The following TNRC18 variants were observed in gnomAD, a reference collection of about 807,000 sequenced individuals.
TNRC18 encodes trinucleotide repeat containing 18.
In TNRC18, 69 loss-of-function variants were observed where a neutral mutation model predicts 226.7. The ratio of observed to expected loss-of-function variants is 0.30; its 90% CI spans 0.25 to 0.37. The LOEUF is 0.37. TNRC18 is among the 10% of genes least tolerant of loss of function. TNRC18 has a pLI of 1.00. For synonymous variants in TNRC18, 2,449 were observed against 1,927.6 expected, an observed-to-expected ratio of 1.27 and a Z score of -7.09; for missense variants, 4,754 against 4,256.6, an observed-to-expected ratio of 1.12 and a Z score of -3.25.
chr7:5,310,220 AAT>A (rs1390449704), intron 27 of TNRC18, among the ~76,000 whole-genome samples: 1 of 151,864 alleles, frequency 6.6e-6, no homozygotes, highest in Non-Finnish European at 1.5e-5. Context: ...TCTTTTAAAA[AAT>A]AGTTATTATT....
intron 5 of TNRC18, among the ~76,000 whole-genome samples, chr7:5,381,826 C>A (rs1779417058): frequency 1.3e-5 from 2 of 151,982 alleles, no homozygotes; most frequent in African/African-American, 4.8e-5. Flanking sequence ...ATTAGCTGGG[C>A]ACGGTGGCAG....
At chr7:5,310,228 T>C (rs1193451460) in intron 27 of TNRC18, among the ~76,000 whole-genome samples, 1 of 151,806 alleles carries the variant, frequency 6.6e-6, no homozygotes, top group Non-Finnish European at 1.5e-5. Flanking sequence ...AAAATAGTTA[T>C]TATTATTATT....
chr7:5,308,083 G>T lies in TNRC18; in HGVS notation c.*23C>A, dbSNP rs1183917350. 1.3e-6 allele frequency: 2 copies of T among 1,540,424 alleles called. No homozygotes were observed. Among genetic ancestry groups the T allele is most frequent in the African/African-American group, 1.4e-5 (1 of 72,760 alleles). On this transcript the variant is annotated 3_prime_UTR_variant, in exon 30 of 30. Coordinates refer to ENST00000430969, the MANE Select transcript of TNRC18 (RefSeq NM_001080495.3). ...GTCCCTGGCCGCCCTCGGGGCACAG[G>T]TGGCCCGCAGGGCCCGGCGGGCTCA... is the stretch of plus-strand genomic sequence containing the variant.
chr7:5,367,771 AG>A (rs898950376), intron 11 of TNRC18, among the ~76,000 whole-genome samples: 4 of 151,920 alleles, frequency 2.6e-5, no homozygotes, highest in African/African-American at 7.2e-5. Flanking sequence ...AAAAAAAAAA[AG>A]TTTCTATTGA....
Position 5,388,901 on chromosome 7 carries a change from G to A in TNRC18, c.923C>T (p.Ala308Val). 7.3e-7 allele frequency: 1 copy of A among 1,361,958 alleles called. No individual in the cohort carries two copies. Among genetic ancestry groups the A allele is most frequent in the Non-Finnish European group, 9.5e-7 (1 of 1,053,534 alleles). 84.4% of individuals were successfully genotyped at this position (1,361,958 alleles called of 1,614,324 possible). A position where few individuals can be genotyped will look rare whatever the true frequency, so the allele number is the denominator to read the frequency against. The change falls in exon 5 of 30, where the codon GCT (alanine) becomes GTT (valine). Residue 308 changes from alanine to valine, a missense_variant. By Grantham distance (64) the Ala-to-Val change is moderately conservative (BLOSUM62 0). Transcript: ENST00000430969. ...AEAGRGGAKE[A>V]ARQDEGARLL... ...CCGCGCGCCCTCGTCCTGCCGGGCA[G>A]CCTCCTTGGCACCCCCGCGCCCCGC... is the stretch of plus-strand genomic sequence containing the variant.
rs139300182 is a variant in TNRC18 at position 5,365,008 on chromosome 7, C to T, written c.4220-2183G>A. Among the ~76,000 whole-genome samples the T allele has an allele frequency of 4.8e-4, 70 of 146,796 alleles. 1 individual carries two copies. In the East Asian group the frequency reaches 0.01, roughly 22 times the overall value. On this transcript the variant is annotated intron_variant, in intron 11 of 29. Transcript: ENST00000430969. ...TTAAATGGCCAAACGTGCAAAGGAG[C>T]CTACGCAGAATCATGTGGGGGGGCG... is the stretch of plus-strand genomic sequence containing the variant.
chr7:5,342,465 A>G (rs951674262), intron 18 of TNRC18, among the ~76,000 whole-genome samples: 5 of 152,048 alleles, frequency 3.3e-5, no homozygotes, highest in Non-Finnish European at 7.4e-5. Flanking sequence ...GTTGATTCCA[A>G]CCCTCGCGGA....
chr7:5,320,819 TGA>T (rs1205566936), intron 22 of TNRC18, among the ~76,000 whole-genome samples: 3 of 152,248 alleles, frequency 2.0e-5, no homozygotes, highest in Admixed American at 6.5e-5. Context: ...GTCCAGATCC[TGA>T]GAGAGGCCAG....
intron 5 of TNRC18, among the ~76,000 whole-genome samples, chr7:5,381,975 T>C (rs1270915214): frequency 6.6e-6 from 1 of 151,772 alleles, no homozygotes; most frequent in Non-Finnish European, 1.5e-5. Flanking sequence ...CATAAATAAA[T>C]TAATTAATTA....
In TNRC18 at chr7:5,374,440, C is replaced by G. The variant is rs990855385; in HGVS notation, c.2844G>C (p.Glu948Asp). 5.8e-6 allele frequency: 9 copies of G among 1,546,234 alleles called. No individual in the cohort carries two copies. In the African/African-American group the frequency reaches 9.7e-5, roughly 17 times the overall value. ...CCTCCAGGCCCCGCTTGCTCCCCTT[C>G]TCTTCCATCTCCGCCCGGTGCTCCT... ...KAQEHRAEMEEKGSKRGLEAA... is the reference protein window; with the variant it reads ...KAQEHRAEMEDKGSKRGLEAA... The change falls in exon 10 of 30, where the codon GAG becomes GAC. Residue 948 changes from glutamate to aspartate, a missense_variant. Glu to Asp is a conservative substitution (Grantham distance 45). Transcript: ENST00000430969.
Position 5,361,587 on chromosome 7 carries a change from G to T in TNRC18, c.4661+7C>A. The T allele has an allele frequency of 6.6e-7, 1 of 1,511,860 alleles. No homozygotes were observed. Among genetic ancestry groups the T allele is most frequent in the Non-Finnish European group, 8.9e-7 (1 of 1,129,260 alleles). The allele number at this position is 1,511,860 out of a possible 1,614,324, so 93.7% of individuals were successfully genotyped here. On this transcript the variant is annotated splice_region_variant and intron_variant, in intron 14 of 29. Coordinates refer to ENST00000430969, the MANE Select transcript of TNRC18 (RefSeq NM_001080495.3). The stretch of plus-strand genomic sequence containing the variant: ...CAGTCCCCGACCCACCGAGGGGCCA[G>T]CCTTACTTTCCGCTACTGTGGCCGC...
intron 2 of TNRC18, chr7:5,419,977 G>A (rs556030921): frequency 4.2e-5 from 7 of 166,300 alleles, no homozygotes; most frequent in South Asian, 3.8e-4. Context: ...TCGAACAGGA[G>A]GTGGATTTTT....
At position 5,376,235 on chromosome 7, in the gene TNRC18, A is replaced by G; in HGVS notation, c.2609-11T>C. On this transcript the variant is annotated splice_polypyrimidine_tract_variant and intron_variant, in intron 8 of 29. Coordinates refer to ENST00000430969, the MANE Select transcript of TNRC18 (RefSeq NM_001080495.3). ...GCTCCATCAGCTCCGCTGCAGGGAC[A>G]GAGACAGTGCGCTGCACCTGCGGCC... is the stretch of plus-strand genomic sequence containing the variant. The G allele has an allele frequency of 6.7e-7, 1 of 1,482,160 alleles. No homozygotes were observed. The highest frequency in any genetic ancestry group is 1.4e-5 in the South Asian group (1 of 72,646). The allele number at this position is 1,482,160 out of a possible 1,614,324, so 91.8% of individuals were successfully genotyped here.
At chr7:5,360,444 G>A (rs1392479301) in intron 14 of TNRC18, among the ~76,000 whole-genome samples, 1 of 152,026 alleles carries the variant, frequency 6.6e-6, no homozygotes, top group African/African-American at 2.4e-5. Flanking sequence ...TGCCCAGGCT[G>A]GTCTCAAACT....
At chr7:5,416,238 C>A (rs1465141480) in intron 2 of TNRC18, among the ~76,000 whole-genome samples, 1 of 151,496 alleles carries the variant, frequency 6.6e-6, no homozygotes, top group Non-Finnish European at 1.5e-5. Context: ...CACGGTGAAA[C>A]CCCGTCTGTA....
intron 21 of TNRC18, among the ~76,000 whole-genome samples, chr7:5,323,567 A>AATTTTT (rs1562491806): frequency 3.9e-5 from 1 of 25,526 alleles, no homozygotes; most frequent in African/African-American, 1.2e-4. Context: ...AGCACCAGAC[A>AATTTTT]GTTTTTTTTT....
chr7:5,363,570 C>T (rs554670666), intron 11 of TNRC18, among the ~76,000 whole-genome samples: 74 of 152,184 alleles, frequency 4.9e-4, no homozygotes, highest in African/African-American at 1.5e-3. Flanking sequence ...CGCCACTGCA[C>T]TCCAGCCTGG....
At chr7:5,393,594 C>G (rs1780453794) in intron 3 of TNRC18, among the ~76,000 whole-genome samples, 1 of 152,028 alleles carries the variant, frequency 6.6e-6, no homozygotes, top group Non-Finnish European at 1.5e-5. Flanking sequence ...ACCACGAGCA[C>G]CTACAGGACA....
intron 11 of TNRC18, among the ~76,000 whole-genome samples, chr7:5,366,271 G>T (rs141739477): frequency 7.0e-6 from 1 of 142,416 alleles, no homozygotes; most frequent in Admixed American, 7.0e-5. Flanking sequence ...CCCCTGGGGG[G>T]ACAAAATCAT....
Sources: gnomAD v4.1 joint callset for allele counts (sites outside exome capture counted in the v4.1 genomes callset) on GRCh38, gnomAD v4.1.1 for gene constraint, MANE v1.5 for transcripts, NCBI Gene and HGNC (gene_info 2026-07-23, HGNC 2026-07-21) for gene names.